Variants in NKAIN2 observed in about 807,000 individuals in gnomAD.
The protein encoded by NKAIN2 is sodium/potassium-transporting ATPase subunit beta-1-interacting protein 2.
A neutral mutation model predicts 32.6 loss-of-function variants in NKAIN2; 14 were observed. The observed-to-expected ratio is 0.43, with a 90% confidence interval of 0.28 to 0.67. The LOEUF (loss-of-function observed/expected upper bound fraction) is 0.67. Ranked by LOEUF, NKAIN2 falls within the 30% of genes least tolerant of loss-of-function variation. The probability of loss-of-function intolerance (pLI) is 0.17; values close to 1 mark genes in which losing one functional copy is unlikely to be tolerated. For missense variants in NKAIN2, 198 were observed against 258.3 expected, an observed-to-expected ratio of 0.77 and a Z score of 1.60; for synonymous variants, 80 against 87.2, an observed-to-expected ratio of 0.92 and a Z score of 0.46.
rs1439114094 is a variant in NKAIN2 at position 123,937,653 on chromosome 6, T to C, written c.54+133399T>C. Among the ~76,000 whole-genome samples, 3 of 152,134 alleles carry C rather than the reference T, an allele frequency of 2.0e-5. No homozygotes were observed. The East Asian group carries it at 5.8e-4, about 29-fold the overall frequency. On this transcript the variant is annotated intron_variant, in intron 1 of 6. Coordinates refer to ENST00000368417, the MANE Select transcript of NKAIN2 (RefSeq NM_001040214.3). ...ATAATAGTAAATATCTGCATTTCTC[T>C]GAGCCATTGACTACATAGCTAGGGA... is the stretch of plus-strand genomic sequence containing the variant.
chr6:124,691,832 A>G (rs372195993), intron 4 of NKAIN2, among the ~76,000 whole-genome samples: 2 of 152,350 alleles, frequency 1.3e-5, no homozygotes, highest in African/African-American at 4.8e-5. Context: ...AGGAAATTAA[A>G]AAAGAAACAA....
intron 3 of NKAIN2, among the ~76,000 whole-genome samples, chr6:124,567,661 G>A (rs1780969910): frequency 6.6e-6 from 1 of 152,352 alleles, no homozygotes; most frequent in Admixed American, 6.5e-5. Context: ...TCTCAGTGAG[G>A]ATCACTCATG....
chr6:124,018,596 C>T (rs1277877252), intron 1 of NKAIN2, among the ~76,000 whole-genome samples: 1 of 152,026 alleles, frequency 6.6e-6, no homozygotes, highest in Non-Finnish European at 1.5e-5. Context: ...GAAGAAATTC[C>T]CCCAGTCTCT....
intron 1 of NKAIN2, among the ~76,000 whole-genome samples, chr6:124,259,790 G>T (rs761724547): frequency 4.6e-5 from 7 of 152,102 alleles, no homozygotes; most frequent in Admixed American, 1.3e-4. Flanking sequence ...ATCTACACCC[G>T]TGCTGCAGGT....
intron 1 of NKAIN2, among the ~76,000 whole-genome samples, chr6:124,227,354 G>A (rs1286676894): frequency 2.0e-5 from 3 of 152,140 alleles, no homozygotes; most frequent in Non-Finnish European, 4.4e-5. Context: ...AGGAAGTAGA[G>A]CTATAACATT....
intron 3 of NKAIN2, among the ~76,000 whole-genome samples, chr6:124,541,280 G>A (rs1015835787): frequency 6.6e-6 from 1 of 152,148 alleles, no homozygotes; most frequent in African/African-American, 2.4e-5. Flanking sequence ...TATTATTGAA[G>A]TTAAAATATT....
At chr6:124,455,070 G>A (rs914641144) in intron 3 of NKAIN2, among the ~76,000 whole-genome samples, 3 of 151,972 alleles carry the variant, frequency 2.0e-5, no homozygotes, top group Non-Finnish European at 4.4e-5. Context: ...GATCATCTTA[G>A]CACTATCATG....
intron 2 of NKAIN2, among the ~76,000 whole-genome samples, chr6:124,339,645 A>C (rs1277302376): frequency 6.6e-6 from 1 of 152,150 alleles, no homozygotes; most frequent in East Asian, 1.9e-4. Flanking sequence ...GTTACATTGG[A>C]CCTACGCAGA....
At chr6:124,366,765 A>C (rs1218484479) in intron 3 of NKAIN2, among the ~76,000 whole-genome samples, 1 of 151,888 alleles carries the variant, frequency 6.6e-6, no homozygotes, top group East Asian at 1.9e-4. Flanking sequence ...CATCGCTACC[A>C]AAAATACAAA....
At chr6:124,149,989 C>T (rs561435507) in intron 1 of NKAIN2, among the ~76,000 whole-genome samples, 1 of 152,202 alleles carries the variant, frequency 6.6e-6, no homozygotes, top group East Asian at 1.9e-4. Context: ...CATGGATGAT[C>T]AAAGGTCAGT....
At chr6:124,772,076 A>T (rs920684512) in intron 4 of NKAIN2, among the ~76,000 whole-genome samples, 1 of 152,210 alleles carries the variant, frequency 6.6e-6, no homozygotes, top group Non-Finnish European at 1.5e-5. Context: ...AGAGTGAGAA[A>T]GATATTTTTT....
chr6:124,356,247 A>G (rs1562510424), intron 3 of NKAIN2, among the ~76,000 whole-genome samples: 1 of 152,084 alleles, frequency 6.6e-6, no homozygotes, highest in Non-Finnish European at 1.5e-5. Context: ...ATTCCTCAGG[A>G]ACTACCTTTG....
chr6:124,233,316 C>A (rs1238875263), intron 1 of NKAIN2, among the ~76,000 whole-genome samples: 2 of 151,880 alleles, frequency 1.3e-5, no homozygotes, highest in African/African-American at 2.4e-5. Context: ...ATAACATTTT[C>A]TGCACTAGCA....
chr6:124,407,367 C>A (rs1175178805), intron 3 of NKAIN2, among the ~76,000 whole-genome samples: 1 of 149,168 alleles, frequency 6.7e-6, no homozygotes, highest in Non-Finnish European at 1.5e-5. Context: ...CACAACCATC[C>A]CCTGTGTGTG....
At chr6:124,687,266 C>A (rs1379582994) in intron 4 of NKAIN2, among the ~76,000 whole-genome samples, 2 of 137,646 alleles carry the variant, frequency 1.5e-5, no homozygotes, top group Non-Finnish European at 3.1e-5. Context: ...TATATATTCT[C>A]TCTATATATA....
rs1491556824 is a variant in NKAIN2 at position 124,323,777 on chromosome 6, A to ATTTTTTTTTTTTTT, written c.193-31484_193-31483insTTTTTTTTTTTTTT. Among the ~76,000 whole-genome samples, 3 of 115,494 alleles carry ATTTTTTTTTTTTTT rather than the reference A, an allele frequency of 2.6e-5. 1 individual carries two copies. The highest frequency in any genetic ancestry group is 1.2e-4 in the African/African-American group (3 of 25,340). The allele number at this position is 115,494 out of a possible 152,430, so 75.8% of individuals were successfully genotyped here. Reference sequence around the variant, plus strand: ...TGATTTAGCTGTTTCAATTCTTTTAATTTTTTCTTTTTTTTTTTTTTTTTT... The same window carrying ATTTTTTTTTTTTTT: ...TGATTTAGCTGTTTCAATTCTTTTAATTTTTTTTTTTTTTTTTTTTCTTTTTTTTTTTTTTTTTT... On this transcript the variant is annotated intron_variant, in intron 2 of 6. Coordinates refer to ENST00000368417, the MANE Select transcript of NKAIN2 (RefSeq NM_001040214.3).
chr6:124,432,052 A>T (rs530931070), intron 3 of NKAIN2, among the ~76,000 whole-genome samples: 7 of 152,262 alleles, frequency 4.6e-5, no homozygotes, highest in Non-Finnish European at 5.9e-5. Context: ...TCTTAATTTG[A>T]ATAGGGATCT....
intron 3 of NKAIN2, among the ~76,000 whole-genome samples, chr6:124,406,419 T>C (rs939376609): frequency 1.3e-5 from 2 of 152,218 alleles, no homozygotes; most frequent in African/African-American, 4.8e-5. Context: ...TTAATTTCTT[T>C]TTATTTCTGA....
At chr6:124,360,392 A>G (rs941760857) in intron 3 of NKAIN2, among the ~76,000 whole-genome samples, 4 of 152,168 alleles carry the variant, frequency 2.6e-5, no homozygotes, top group Admixed American at 1.3e-4. Flanking sequence ...CAGAAATTAT[A>G]GTAATCAACC....
Sources: allele counts gnomAD v4.1 joint callset (sites outside exome capture counted in the v4.1 genomes callset), GRCh38; gene constraint gnomAD v4.1.1; transcripts MANE v1.5; gene names NCBI Gene and HGNC (gene_info 2026-07-23, HGNC 2026-07-21).